PCDHGA5: variants seen among roughly 807,000 people sequenced by gnomAD.
The protein encoded by PCDHGA5 is protocadherin gamma subfamily A, 5.
Under a neutral mutation model 56.7 loss-of-function variants are expected in PCDHGA5, and 36 were observed. The observed-to-expected ratio is 0.64, with a 90% CI of 0.49 to 0.84. The LOEUF (loss-of-function observed/expected upper bound fraction) is 0.84. Ranked by LOEUF, PCDHGA5 falls within the 40% of genes least tolerant of loss-of-function variation. PCDHGA5 has a pLI of 0.00. For missense variants in PCDHGA5, 1,305 were observed against 1,201.5 expected, an observed-to-expected ratio of 1.09 and a Z score of -1.27; for synonymous variants, 563 against 520.2, an observed-to-expected ratio of 1.08 and a Z score of -1.12.
intron 1 of PCDHGA5, chr5:141,389,877 A>T: frequency 6.2e-7 from 1 of 1,614,088 alleles, no homozygotes; most frequent in South Asian, 1.1e-5. Context: ...CTTCGCCGAC[A>T]GCTTGCAGGA....
At chr5:141,409,381 G>T (rs1258881607) in intron 1 of PCDHGA5, 1 of 1,614,018 alleles carries the variant, frequency 6.2e-7, no homozygotes, top group Admixed American at 1.7e-5. Context: ...TTCCATTCAA[G>T]ATTTATTCTT....
chr5:141,425,528 C>CA (rs890632943), intron 1 of PCDHGA5, among the ~76,000 whole-genome samples: 1 of 152,200 alleles, frequency 6.6e-6, no homozygotes, highest in African/African-American at 2.4e-5. Context: ...AAACATGAAA[C>CA]AATAATCCTT....
intron 1 of PCDHGA5, chr5:141,426,414 G>A (rs2096934345): frequency 3.5e-6 from 1 of 287,986 alleles, no homozygotes; most frequent in Admixed American, 4.4e-5. Context: ...AAACGGTCCA[G>A]GGCTCCGTGG....
intron 1 of PCDHGA5, among the ~76,000 whole-genome samples, chr5:141,474,586 A>G (rs149003643): frequency 6.6e-6 from 1 of 152,222 alleles, no homozygotes; most frequent in Non-Finnish European, 1.5e-5. Flanking sequence ...AGTGTTAAAG[A>G]CATGGAAATA....
In PCDHGA5 at chr5:141,472,994, A is replaced by G. The variant is rs188075835; in HGVS notation, c.2422-21813A>G. Among the ~76,000 whole-genome samples, 1,141 of 151,802 alleles carry G rather than the reference A, an allele frequency of 7.5e-3. 5 individuals carry two copies. The highest frequency in any genetic ancestry group is 0.017 in the Middle Eastern group (5 of 294). ...AGAGTGAAACTCAAAAAAAAAAAAA[A>G]AAAGAAAGAAAAAGAAAAAGAAAGA... On this transcript the variant is annotated intron_variant, in intron 1 of 3. Transcript: ENST00000518069.
rs1462148828 is a variant in PCDHGA5 at position 141,392,863 on chromosome 5, G to A, written c.2421+26112G>A. On this transcript the variant is annotated intron_variant, in intron 1 of 3. Transcript: ENST00000518069. ...AGACGCGGCGAGCTGATCCTGCTGT[G>A]CGCGCTGCTGGGAACGCTGTGGGAA... 3 of 1,612,774 alleles carry A rather than the reference G, an allele frequency of 1.9e-6. No individual in the cohort carries two copies. Among genetic ancestry groups the A allele is most frequent in the African/African-American group, 2.7e-5 (2 of 74,930 alleles).
intron 1 of PCDHGA5, chr5:141,375,687 G>A (rs1588775167): frequency 6.2e-7 from 1 of 1,614,258 alleles, no homozygotes. Flanking sequence ...GTGACAGCCA[G>A]CGACAGCGGG....
chr5:141,385,984 T>C (rs75507773), intron 1 of PCDHGA5: 11 of 152,336 alleles, frequency 7.2e-5, no homozygotes, highest in African/African-American at 1.7e-4. Context: ...CAATAAAATA[T>C]GTCAAATAAA....
intron 1 of PCDHGA5, chr5:141,384,177 T>C (rs1779802926): frequency 6.2e-7 from 1 of 1,613,720 alleles, no homozygotes; most frequent in African/African-American, 1.3e-5. Flanking sequence ...AAGCCACAGA[T>C]GGTGGAACTC....
At chr5:141,430,589 G>A in intron 1 of PCDHGA5, 1 of 529,266 alleles carries the variant, frequency 1.9e-6, no homozygotes, top group Non-Finnish European at 3.1e-6. Context: ...TGCTCGCCTT[G>A]CACGCGCCTG....
rs999463482 is a variant in PCDHGA5, at chr5:141,506,400, T to C, written c.2569+919T>C. ...GGAGGTGGCTGTGGTGAGCAGAAAATCGCACCACTGCACTCCAGCCTGGGC... is the reference window on the plus strand; with the variant it reads ...GGAGGTGGCTGTGGTGAGCAGAAAACCGCACCACTGCACTCCAGCCTGGGC... On this transcript the variant is annotated intron_variant, in intron 3 of 3. Coordinates refer to ENST00000518069, the MANE Select transcript of PCDHGA5 (RefSeq NM_018918.3). 1.2e-4 allele frequency among the ~76,000 whole-genome samples: 16 copies of C among 135,754 alleles called. No homozygotes were observed. In the Admixed American group the frequency reaches 1.3e-3, roughly 11 times the overall value. The allele number at this position is 135,754 out of a possible 152,430, so 89.1% of individuals were successfully genotyped here.
chr5:141,382,081 G>A (rs933434638), intron 1 of PCDHGA5, among the ~76,000 whole-genome samples: 12 of 151,852 alleles, frequency 7.9e-5, no homozygotes, highest in Non-Finnish European at 1.6e-4. Context: ...CGCCCGCCTC[G>A]GCCTCACAAA....
rs556656447 is a variant in PCDHGA5 at position 141,500,319 on chromosome 5, C to CT, written c.2481-5073dup. Among the ~76,000 whole-genome samples the CT allele has an allele frequency of 2.6e-5, 4 of 152,122 alleles. No homozygotes were observed. The South Asian group carries it at 8.3e-4, about 32-fold the overall frequency. Reference sequence around the variant, plus strand: ...CGCCTCCCAGGTTCACGCCATGCTCCTGCCTCAGCCTCCAGAATAGCTGGG... The same window carrying CT: ...CGCCTCCCAGGTTCACGCCATGCTCCTTGCCTCAGCCTCCAGAATAGCTGGG... On this transcript the variant is annotated intron_variant, in intron 2 of 3. Coordinates refer to ENST00000518069, the MANE Select transcript of PCDHGA5 (RefSeq NM_018918.3).
intron 1 of PCDHGA5, among the ~76,000 whole-genome samples, chr5:141,454,701 C>G (rs1182969868): frequency 6.6e-6 from 1 of 151,760 alleles, no homozygotes; most frequent in Non-Finnish European, 1.5e-5. Context: ...CCACCATGCT[C>G]CACCTGCTTA....
rs115565444 is a variant in PCDHGA5, at chr5:141,487,520, G to A, written c.2422-7287G>A. On this transcript the variant is annotated intron_variant, in intron 1 of 3. Transcript: ENST00000518069. This position sits in a 1 kb window ranked among gnomAD's most constrained non-coding sequence, Gnocchi z 5.0. ...CTTGGCTTCTGCACCCACTCGGAGT[G>A]ATAGCTTCATGATGGTGAAGTCACC... is the stretch of plus-strand genomic sequence containing the variant. The A allele has an allele frequency of 3.3e-4, 540 of 1,614,166 alleles. 6 individuals carry two copies. The East Asian group carries it at 8.7e-3, about 26-fold the overall frequency.
chr5:141,440,997 A>G (rs1191545127), intron 1 of PCDHGA5: 1 of 152,178 alleles, frequency 6.6e-6, no homozygotes, highest in East Asian at 1.9e-4. Context: ...ACCCATATCT[A>G]GTTTGGCCTT....
At chr5:141,454,428 CAG>C (rs1412897540) in intron 1 of PCDHGA5, among the ~76,000 whole-genome samples, 1 of 152,172 alleles carries the variant, frequency 6.6e-6, no homozygotes, top group Admixed American at 6.5e-5. Flanking sequence ...TATTTAGAGA[CAG>C]AGTTTCACTC....
At chr5:141,388,628 G>C (rs752578230) in intron 1 of PCDHGA5, 1 of 1,613,780 alleles carries the variant, frequency 6.2e-7, no homozygotes, top group African/African-American at 1.3e-5. Context: ...ACGTATACAG[G>C]GTGAGCCTTT....
At chr5:141,376,281 C>G in intron 1 of PCDHGA5, 2 of 1,614,216 alleles carry the variant, frequency 1.2e-6, no homozygotes, top group Admixed American at 1.7e-5. Flanking sequence ...GGTGGCTTAG[C>G]GAGCATGCCC....
Sources: allele counts gnomAD v4.1 joint callset (sites outside exome capture counted in the v4.1 genomes callset), GRCh38; gene constraint gnomAD v4.1.1; non-coding constraint Gnocchi (gnomAD v3.1); transcripts MANE v1.5; gene names NCBI Gene and HGNC (gene_info 2026-07-23, HGNC 2026-07-21).